GRIA4: variants seen among roughly 807,000 people sequenced by gnomAD.
GRIA4 encodes the protein glutamate ionotropic receptor AMPA type subunit 4.
Under a neutral mutation model 104.0 loss-of-function variants are expected in GRIA4, and 34 were observed. The observed-to-expected ratio is 0.33, with a 90% CI of 0.25 to 0.44. The LOEUF (loss-of-function observed/expected upper bound fraction) is 0.44, where lower values mean the gene tolerates loss of function less well. GRIA4 is among the 20% of genes least tolerant of loss of function. GRIA4 has a pLI of 1.00. For missense variants in GRIA4, 750 were observed against 1,096.5 expected, an observed-to-expected ratio of 0.68 and a Z score of 4.46; for synonymous variants, 386 against 381.9, an observed-to-expected ratio of 1.01 and a Z score of -0.13.
chr11:105,935,989 C>A (rs1220887712), intron 14 of GRIA4, among the ~76,000 whole-genome samples: 2 of 152,108 alleles, frequency 1.3e-5, no homozygotes, highest in African/African-American at 4.8e-5. Flanking sequence ...TTTGTTTATG[C>A]ACTTTGTTTT....
intron 4 of GRIA4, among the ~76,000 whole-genome samples, chr11:105,846,607 G>A (rs1356670979): frequency 6.6e-6 from 1 of 152,114 alleles, no homozygotes; most frequent in Non-Finnish European, 1.5e-5. Context: ...AACAAGGGCT[G>A]ATACAACAAT....
intron 3 of GRIA4, among the ~76,000 whole-genome samples, chr11:105,676,740 A>C (rs1952550532): frequency 6.6e-6 from 1 of 151,800 alleles, no homozygotes; most frequent in South Asian, 2.1e-4. Context: ...CAATAGAATG[A>C]ATTCAATTAT....
intron 4 of GRIA4, among the ~76,000 whole-genome samples, chr11:105,784,475 G>T (rs990595423): frequency 6.6e-6 from 1 of 152,148 alleles, no homozygotes; most frequent in African/African-American, 2.4e-5. Context: ...TAACTGCCGT[G>T]AGTGCAGGAG....
intron 3 of GRIA4, among the ~76,000 whole-genome samples, chr11:105,725,346 A>C (rs1938127285): frequency 6.6e-6 from 1 of 152,182 alleles, no homozygotes; most frequent in African/African-American, 2.4e-5. Flanking sequence ...AGACATGAAC[A>C]TTGCACAAAT....
At chr11:105,858,118 T>C in intron 4 of GRIA4, among the ~76,000 whole-genome samples, 1 of 152,308 alleles carries the variant, frequency 6.6e-6, no homozygotes, top group South Asian at 2.1e-4. Flanking sequence ...ATTGACAGTG[T>C]TCTTTAGTAA....
intron 3 of GRIA4, among the ~76,000 whole-genome samples, chr11:105,629,495 C>G (rs1213958862): frequency 6.6e-6 from 1 of 151,868 alleles, no homozygotes; most frequent in East Asian, 1.9e-4. Context: ...CTTTTGATTG[C>G]AATTTCAAAA....
chr11:105,739,182 T>G (rs772599969), intron 3 of GRIA4, among the ~76,000 whole-genome samples: 3 of 152,194 alleles, frequency 2.0e-5, no homozygotes, highest in African/African-American at 7.2e-5. Flanking sequence ...GTATTGCAAA[T>G]AGCCTTCTGC....
In GRIA4 at chr11:105,895,401, T is replaced by C. The variant is rs141542613; in HGVS notation, c.727-2868T>C. Among the ~76,000 whole-genome samples the C allele has an allele frequency of 3.9e-3, 599 of 151,998 alleles. 5 individuals are homozygous for C. Among genetic ancestry groups the C allele is most frequent in the African/African-American group, 0.013 (553 of 41,450 alleles). On this transcript the variant is annotated intron_variant, in intron 6 of 16. Transcript: ENST00000282499. ...ACTTTTTATTGAGTGTGGATTTTTA[T>C]AAGGTACCTAAAATAGTGGCAATAA...
chr11:105,821,486 C>T (rs958099804), intron 4 of GRIA4, among the ~76,000 whole-genome samples: 10 of 151,606 alleles, frequency 6.6e-5, no homozygotes, highest in African/African-American at 1.7e-4. Context: ...CTTATAATCA[C>T]GGTGGAAGGC....
At chr11:105,892,106 C>G (rs1363822380) in intron 6 of GRIA4, among the ~76,000 whole-genome samples, 1 of 151,976 alleles carries the variant, frequency 6.6e-6, no homozygotes, top group East Asian at 1.9e-4. Context: ...AGAATAAATA[C>G]ACAAAAAAAT....
chr11:105,826,722 T>C (rs571969080), intron 4 of GRIA4, among the ~76,000 whole-genome samples: 1 of 152,164 alleles, frequency 6.6e-6, no homozygotes, highest in South Asian at 2.1e-4. Flanking sequence ...TCTGGAACTG[T>C]TTTCTGATAG....
intron 4 of GRIA4, among the ~76,000 whole-genome samples, chr11:105,819,880 T>C (rs886274306): frequency 1.4e-4 from 22 of 152,240 alleles, no homozygotes; most frequent in Admixed American, 1.2e-3. Context: ...TTAGTTAAGA[T>C]GAAGCCATCC....
intron 3 of GRIA4, among the ~76,000 whole-genome samples, chr11:105,684,791 A>G (rs973241262): frequency 5.3e-5 from 8 of 151,718 alleles, no homozygotes; most frequent in Non-Finnish European, 8.8e-5. Flanking sequence ...AAATTGACGT[A>G]TCAGTATTTT....
chr11:105,731,857 T>G (rs1387320707), intron 3 of GRIA4, among the ~76,000 whole-genome samples: 1 of 150,806 alleles, frequency 6.6e-6, no homozygotes, highest in East Asian at 2.0e-4. Context: ...GAGGGGAATA[T>G]CACAAACCAG....
At chr11:105,780,486 A>G (rs1228623654) in intron 4 of GRIA4, among the ~76,000 whole-genome samples, 1 of 152,166 alleles carries the variant, frequency 6.6e-6, no homozygotes, top group African/African-American at 2.4e-5. Context: ...CACATTTCAC[A>G]TTTTACTTTA....
chr11:105,644,928 C>A (rs1459158250), intron 3 of GRIA4, among the ~76,000 whole-genome samples: 1 of 152,140 alleles, frequency 6.6e-6, no homozygotes, highest in African/African-American at 2.4e-5. Context: ...TCTAGAAGGT[C>A]TTACTAATTC....
At chr11:105,613,260 T>C (rs1357741768) in intron 3 of GRIA4, 1 of 152,186 alleles carries the variant, frequency 6.6e-6, no homozygotes, top group Non-Finnish European at 1.5e-5. Context: ...TACAATCAAC[T>C]GTGCATGTTA....
intron 3 of GRIA4, among the ~76,000 whole-genome samples, chr11:105,648,334 GA>G (rs1181920652): frequency 6.6e-6 from 1 of 151,066 alleles, no homozygotes; most frequent in Non-Finnish European, 1.5e-5. Context: ...TGGAAATAGA[GA>G]AAACTTAAAA....
intron 4 of GRIA4, among the ~76,000 whole-genome samples, chr11:105,835,192 T>G (rs1447260448): frequency 6.6e-6 from 1 of 151,918 alleles, no homozygotes; most frequent in Non-Finnish European, 1.5e-5. Context: ...ATTGAAACAG[T>G]AGAAAGAAAA....
Sources: gnomAD v4.1 joint callset for allele counts (sites outside exome capture counted in the v4.1 genomes callset) on GRCh38, gnomAD v4.1.1 for gene constraint, MANE v1.5 for transcripts, NCBI Gene and HGNC (gene_info 2026-07-23, HGNC 2026-07-21) for gene names.